Variants in ARHGEF28 observed in about 807,000 individuals in gnomAD.
ARHGEF28 encodes 190 kDa guanine nucleotide exchange factor.
Under a neutral mutation model 206.6 loss-of-function variants are expected in ARHGEF28, and 152 were observed. That is an observed-to-expected ratio of 0.74 (90% CI 0.64 to 0.84). ARHGEF28 has a LOEUF of 0.84. Ranked by LOEUF, ARHGEF28 falls within the 40% of genes least tolerant of loss-of-function variation. The pLI is 0.00. For missense variants in ARHGEF28, 2,028 were observed against 2,073.2 expected (o/e 0.98, Z 0.42); for synonymous variants, 763 against 776.4 (o/e 0.98, Z 0.29).
At chr5:73,844,952 A>G (rs958615953) in intron 11 of ARHGEF28, among the ~76,000 whole-genome samples, 1 of 151,754 alleles carries the variant, frequency 6.6e-6, no homozygotes, top group African/African-American at 2.4e-5. Flanking sequence ...AAATGAGGAA[A>G]AAAGTTGTTG....
chr5:73,669,931 C>T (rs1311387810), intron 1 of ARHGEF28, among the ~76,000 whole-genome samples: 6 of 152,222 alleles, frequency 3.9e-5, no homozygotes, highest in African/African-American at 1.2e-4. Flanking sequence ...AAGTGGTCCA[C>T]CCGCTTTGGC....
intron 9 of ARHGEF28, among the ~76,000 whole-genome samples, chr5:73,826,315 G>A (rs1260630699): frequency 6.6e-6 from 1 of 152,134 alleles, no homozygotes; most frequent in Non-Finnish European, 1.5e-5. Flanking sequence ...ATGGTGGTTA[G>A]TTATTCTCAG....
intron 2 of ARHGEF28, among the ~76,000 whole-genome samples, chr5:73,691,956 A>C (rs895779712): frequency 6.6e-6 from 1 of 152,220 alleles, no homozygotes; most frequent in African/African-American, 2.4e-5. Flanking sequence ...AAGGGCATAC[A>C]TATTTTAAAT....
chr5:73,775,050 A>G (rs60558367), intron 5 of ARHGEF28, among the ~76,000 whole-genome samples: 12 of 152,340 alleles, frequency 7.9e-5, no homozygotes, highest in African/African-American at 2.6e-4. Context: ...AATGACCATC[A>G]GCCAAGGGGC....
intron 1 of ARHGEF28, among the ~76,000 whole-genome samples, chr5:73,675,792 C>T (rs1746627720): frequency 6.7e-6 from 1 of 150,252 alleles, no homozygotes; most frequent in Non-Finnish European, 1.5e-5. Flanking sequence ...ATTTCAATTC[C>T]TTGGCTAAAA....
chr5:73,895,174 T>C (rs1374496029), intron 29 of ARHGEF28, among the ~76,000 whole-genome samples: 5 of 152,134 alleles, frequency 3.3e-5, no homozygotes, highest in African/African-American at 1.2e-4. Context: ...GTTTGAAAGG[T>C]ACCTCCTGAC....
intron 18 of ARHGEF28, among the ~76,000 whole-genome samples, chr5:73,866,752 C>G (rs1313032513): frequency 2.0e-5 from 3 of 152,172 alleles, no homozygotes; most frequent in African/African-American, 7.2e-5. Context: ...ACCAATCACG[C>G]CAATGTCTCC....
At chr5:73,694,609 C>T (rs1353385619) in intron 2 of ARHGEF28, among the ~76,000 whole-genome samples, 1 of 152,208 alleles carries the variant, frequency 6.6e-6, no homozygotes, top group East Asian at 1.9e-4. Context: ...TCCAGAAAGG[C>T]AGCCCTTATA....
chr5:73,676,975 T>C (rs1159283475), intron 1 of ARHGEF28, among the ~76,000 whole-genome samples: 1 of 152,254 alleles, frequency 6.6e-6, no homozygotes, highest in African/African-American at 2.4e-5. Flanking sequence ...AATGCCATGC[T>C]TTAAAAAATG....
At chr5:73,717,600 A>C (rs1296825820) in intron 2 of ARHGEF28, among the ~76,000 whole-genome samples, 1 of 152,246 alleles carries the variant, frequency 6.6e-6, no homozygotes, top group Admixed American at 6.5e-5. Context: ...TTTGTTACTG[A>C]AAGTTCATCA....
In ARHGEF28 at chr5:73,795,598, C is replaced by A. The variant is rs113923252; in HGVS notation, c.1024+207C>A. 8.7e-4 allele frequency: 420 copies of A among 482,684 alleles called. 3 individuals are homozygous for A. The African/African-American group carries it at 8.7e-3, about 10-fold the overall frequency. The allele number at this position is 482,684 out of a possible 1,614,324, so 29.9% of individuals were successfully genotyped here. A position where few individuals can be genotyped will look rare whatever the true frequency, so the allele number is the denominator to read the frequency against. On this transcript the variant is annotated intron_variant, in intron 9 of 35. Transcript: ENST00000513042. ...GAGACTCCATTTACAATCTAAAAAA[C>A]AAGGCAATCAAAGCTTTTCCTGAAC...
intron 9 of ARHGEF28, among the ~76,000 whole-genome samples, chr5:73,809,078 T>C (rs1236036514): frequency 6.6e-6 from 1 of 152,066 alleles, no homozygotes; most frequent in Non-Finnish European, 1.5e-5. Context: ...GTGCATGTTT[T>C]GTAATCCCAG....
At chr5:73,739,238 G>C (rs1277563875) in intron 2 of ARHGEF28, among the ~76,000 whole-genome samples, 1 of 152,042 alleles carries the variant, frequency 6.6e-6, no homozygotes, top group East Asian at 1.9e-4. Context: ...CAATTCGATG[G>C]AAAAATGACA....
At chr5:73,918,895 A>T (rs1763365742) in intron 35 of ARHGEF28, among the ~76,000 whole-genome samples, 1 of 152,176 alleles carries the variant, frequency 6.6e-6, no homozygotes, top group South Asian at 2.1e-4. Flanking sequence ...GCTTGGCTGG[A>T]GCCTGCAAAC....
chr5:73,929,123 T>C (rs1763974209), intron 35 of ARHGEF28, among the ~76,000 whole-genome samples: 1 of 152,156 alleles, frequency 6.6e-6, no homozygotes, highest in Non-Finnish European at 1.5e-5. Flanking sequence ...GTTTTGATTA[T>C]TTACAAATTG....
intron 10 of ARHGEF28, among the ~76,000 whole-genome samples, chr5:73,836,303 CTTT>C (rs58880911): frequency 8.7e-5 from 11 of 126,282 alleles, no homozygotes; most frequent in Non-Finnish European, 1.3e-4. Flanking sequence ...TCCTTGTCAG[CTTT>C]TTTTTTTTTT....
chr5:73,680,134 T>A (rs1331207730), intron 1 of ARHGEF28, among the ~76,000 whole-genome samples: 1 of 152,014 alleles, frequency 6.6e-6, no homozygotes, highest in African/African-American at 2.4e-5. Flanking sequence ...CACTATTTTT[T>A]ATTAAAAAAA....
chr5:73,907,493 T>C (rs1329411377), intron 33 of ARHGEF28, among the ~76,000 whole-genome samples: 1 of 152,268 alleles, frequency 6.6e-6, no homozygotes, highest in Non-Finnish European at 1.5e-5. Flanking sequence ...TCGTCTTTTT[T>C]GAAGCTGAAT....
intron 35 of ARHGEF28, among the ~76,000 whole-genome samples, chr5:73,927,226 A>T (rs772844615): frequency 2.1e-4 from 32 of 151,978 alleles, no homozygotes; most frequent in Non-Finnish European, 3.2e-4. Context: ...AAAATAAAAA[A>T]CTTAGCCAGG....
Sources: gnomAD v4.1 joint callset for allele counts (sites outside exome capture counted in the v4.1 genomes callset) on GRCh38, gnomAD v4.1.1 for gene constraint, MANE v1.5 for transcripts, NCBI Gene and HGNC (gene_info 2026-07-23, HGNC 2026-07-21) for gene names.